Variants in NKAIN2 observed in about 807,000 individuals in gnomAD.
The protein encoded by NKAIN2 is sodium/potassium transporting ATPase interacting 2, also known as sodium/potassium-transporting ATPase subunit beta-1-interacting protein 2.
NKAIN2 carries 14 observed loss-of-function variants against 32.6 expected under a neutral mutation model. The observed-to-expected ratio is 0.43, with a 90% CI of 0.28 to 0.67. NKAIN2 has a LOEUF of 0.67. Among genes scored for constraint, NKAIN2 ranks in the 30% least tolerant of loss-of-function variants. The pLI, the probability that NKAIN2 is intolerant of heterozygous loss-of-function variation, is 0.17. For missense variants in NKAIN2, 198 were observed against 258.3 expected (o/e 0.77, Z 1.60); for synonymous variants, 80 against 87.2 (o/e 0.92, Z 0.46).
intron 3 of NKAIN2, among the ~76,000 whole-genome samples, chr6:124,537,208 G>A (rs576495926): frequency 3.9e-5 from 6 of 152,196 alleles, no homozygotes; most frequent in African/African-American, 1.4e-4. Context: ...AAGAAAAATT[G>A]GAAAATTCTC....
At position 124,155,458 on chromosome 6, in the gene NKAIN2, A is replaced by C. The variant is rs1055537519; in HGVS notation, c.55-127547A>C. 3.9e-5 allele frequency among the ~76,000 whole-genome samples: 6 copies of C among 152,224 alleles called. No homozygotes were observed. In the South Asian group the frequency reaches 1.2e-3, roughly 32 times the overall value. ...TATTATATGTCAATTAAAAAGAAAA[A>C]AATTTAAATGTTGAATGAGGTAAAG... On this transcript the variant is annotated intron_variant, in intron 1 of 6. Coordinates refer to ENST00000368417, the MANE Select transcript of NKAIN2 (RefSeq NM_001040214.3).
intron 3 of NKAIN2, among the ~76,000 whole-genome samples, chr6:124,656,156 C>T (rs1421647152): frequency 6.6e-6 from 1 of 152,026 alleles, no homozygotes; most frequent in African/African-American, 2.4e-5. Flanking sequence ...TCATGATTTC[C>T]CCCACAGGGC....
chr6:123,958,927 T>C (rs1777720315), intron 1 of NKAIN2, among the ~76,000 whole-genome samples: 1 of 152,200 alleles, frequency 6.6e-6, no homozygotes, highest in Non-Finnish European at 1.5e-5. Flanking sequence ...TGGCTAATAG[T>C]TTCCTTGGCA....
chr6:124,240,180 C>A (rs1386820577), intron 1 of NKAIN2, among the ~76,000 whole-genome samples: 1 of 151,912 alleles, frequency 6.6e-6, no homozygotes, highest in East Asian at 1.9e-4. Context: ...ATACACCCTC[C>A]CAAGATTAAA....
chr6:124,063,694 A>T (rs1562336602), intron 1 of NKAIN2, among the ~76,000 whole-genome samples: 1 of 152,056 alleles, frequency 6.6e-6, no homozygotes, highest in Admixed American at 6.5e-5. Context: ...TGGTTTAGTA[A>T]TTTTTTCTGT....
intron 4 of NKAIN2, among the ~76,000 whole-genome samples, chr6:124,729,792 T>C (rs1380978839): frequency 6.6e-6 from 1 of 151,922 alleles, no homozygotes; most frequent in Non-Finnish European, 1.5e-5. Flanking sequence ...GATGACATGA[T>C]TGTATATCTA....
chr6:124,241,527 A>G (rs1462182528), intron 1 of NKAIN2, among the ~76,000 whole-genome samples: 1 of 152,208 alleles, frequency 6.6e-6, no homozygotes, highest in African/African-American at 2.4e-5. Flanking sequence ...ACAGCATGCT[A>G]CTGGTACCAA....
intron 1 of NKAIN2, among the ~76,000 whole-genome samples, chr6:124,153,001 G>A (rs1787805616): frequency 6.6e-6 from 1 of 151,820 alleles, no homozygotes; most frequent in Non-Finnish European, 1.5e-5. Context: ...GCTGGGAAGG[G>A]AAGAAGAGAG....
chr6:124,411,874 T>C (rs1774203612), intron 3 of NKAIN2, among the ~76,000 whole-genome samples: 1 of 152,298 alleles, frequency 6.6e-6, no homozygotes, highest in African/African-American at 2.4e-5. Flanking sequence ...GGAGGCTTTG[T>C]TCATTTCTTT....
intron 1 of NKAIN2, among the ~76,000 whole-genome samples, chr6:123,840,433 A>C (rs1009389647): frequency 5.9e-5 from 9 of 152,058 alleles, no homozygotes; most frequent in African/African-American, 1.9e-4. Flanking sequence ...AAAAACTCAC[A>C]TATTTGTACC....
Position 124,780,361 on chromosome 6 carries a change from G to A in NKAIN2, c.475-10978G>A, listed in dbSNP as rs1309344201. On this transcript the variant is annotated intron_variant, in intron 4 of 6. Transcript: ENST00000368417. ...TCAGGGTGCTATATGAGCACAGAGA[G>A]TGAGGAATGCCTATCTGTGCTTTTT... Among the ~76,000 whole-genome samples the A allele has an allele frequency of 2.0e-5, 3 of 152,216 alleles. No individual in the cohort carries two copies. The South Asian group carries it at 6.2e-4, about 32-fold the overall frequency.
chr6:124,425,093 C>G (rs535271477), intron 3 of NKAIN2, among the ~76,000 whole-genome samples: 2 of 151,938 alleles, frequency 1.3e-5, no homozygotes, highest in African/African-American at 4.8e-5. Context: ...AGAAAAAGAT[C>G]GTTGCAACAA....
intron 3 of NKAIN2, among the ~76,000 whole-genome samples, chr6:124,445,286 C>A (rs1775843341): frequency 6.6e-6 from 1 of 151,924 alleles, no homozygotes; most frequent in African/African-American, 2.4e-5. Context: ...CTCTTCTTTG[C>A]TATTTGAGGT....
chr6:124,072,170 T>C (rs1269050460), intron 1 of NKAIN2, among the ~76,000 whole-genome samples: 6 of 152,142 alleles, frequency 3.9e-5, no homozygotes, highest in Non-Finnish European at 1.5e-5. Context: ...ATTATGTCCT[T>C]TGCAGCCACA....
At chr6:124,303,569 C>T (rs73773726) in intron 2 of NKAIN2, among the ~76,000 whole-genome samples, 6,772 of 152,206 alleles carry the variant, frequency 0.044, 525 homozygotes, top group African/African-American at 0.16. Flanking sequence ...ATAGTCAGTA[C>T]GTGGTCTTCC....
At position 124,026,877 on chromosome 6, in the gene NKAIN2, C is replaced by T. The variant is rs550709302; in HGVS notation, c.54+222623C>T. ...CTAGCTGGCCCACTTCCACACTTCA[C>T]TTTCACTATTCAACACATTGTGGTC... On this transcript the variant is annotated intron_variant, in intron 1 of 6. Transcript: ENST00000368417. Among the ~76,000 whole-genome samples the T allele has an allele frequency of 2.2e-4, 33 of 152,262 alleles. No homozygotes were observed. In the Middle Eastern group the frequency reaches 0.01, roughly 47 times the overall value.
At chr6:123,839,358 A>G (rs1474215855) in intron 1 of NKAIN2, among the ~76,000 whole-genome samples, 1 of 152,086 alleles carries the variant, frequency 6.6e-6, no homozygotes, top group Non-Finnish European at 1.5e-5. Context: ...TAGTCTCCTC[A>G]TCTGTAAAAG....
intron 1 of NKAIN2, among the ~76,000 whole-genome samples, chr6:123,825,861 A>G (rs1330997949): frequency 6.6e-6 from 1 of 152,154 alleles, no homozygotes; most frequent in East Asian, 1.9e-4. Context: ...TCATTTCAAG[A>G]GATGGAATAA....
intron 2 of NKAIN2, among the ~76,000 whole-genome samples, chr6:124,299,623 A>T (rs771379260): frequency 2.2e-4 from 33 of 152,216 alleles, no homozygotes; most frequent in Non-Finnish European, 1.3e-4. Flanking sequence ...CATAGATATT[A>T]GTATGCATAT....
Sources: gnomAD v4.1 joint callset for allele counts (sites outside exome capture counted in the v4.1 genomes callset) on GRCh38, gnomAD v4.1.1 for gene constraint, MANE v1.5 for transcripts, NCBI Gene and HGNC (gene_info 2026-07-23, HGNC 2026-07-21) for gene names.